TTN: variants seen among roughly 807,000 people sequenced by gnomAD.
TTN encodes titin, also known as connectin.
In TTN, 1,525 loss-of-function variants were observed where a neutral mutation model predicts 3,223.0. The observed-to-expected ratio is 0.47, with a 90% CI of 0.45 to 0.49. The LOEUF (loss-of-function observed/expected upper bound fraction) is 0.49. Ranked by LOEUF, TTN falls within the 20% of genes least tolerant of loss-of-function variation. The probability of loss-of-function intolerance (pLI) is 0.00; values close to 1 mark genes in which losing one functional copy is unlikely to be tolerated. For missense variants in TTN, 40,786 were observed against 43,424.0 expected (o/e 0.94, Z 5.40); for synonymous variants, 14,094 against 15,161.0 (o/e 0.93, Z 5.17).
Position 178,592,507 on chromosome 2 carries a change from A to C in TTN, c.59498T>G (p.Ile19833Ser). ...CTTGCTACCAACTGGAGTCACATCA[A>C]TTCTTGCTTTAGTTGGAGCATCTCT... ...EDRDAPTKARIDVTPVGSKLE... is the reference protein window; with the variant it reads ...EDRDAPTKARSDVTPVGSKLE... The change falls in exon 301 of 363, where the codon ATT becomes AGT. Residue 19833 changes from isoleucine (I) to serine (S), a missense_variant. Ile to Ser is a moderately radical substitution (Grantham distance 142). Coordinates refer to ENST00000589042, the MANE Select transcript of TTN (RefSeq NM_001267550.2). 6.2e-7 allele frequency: 1 copy of C among 1,613,516 alleles called. No homozygotes were observed. The highest frequency in any genetic ancestry group is 1.7e-4 in the Middle Eastern group (1 of 6,056).
In TTN at chr2:178,574,348, A is replaced by G; in HGVS notation, c.71784T>C (p.Pro23928=). 1 of 1,613,608 alleles carries G rather than the reference A, an allele frequency of 6.2e-7. No individual in the cohort carries two copies. Among genetic ancestry groups the G allele is most frequent in the Admixed American group, 1.7e-5 (1 of 60,012 alleles). Residue 23928 remains proline, a synonymous_variant, in exon 326 of 363, where the codon CCT becomes CCC. Transcript: ENST00000589042. ...PMLALDPIDP[P]GKPVPLNITR... ...TAATATTTAGAGGTACTGGTTTTCC[A>G]GGTGGGTCAATGGGATCCAGAGCCA...
At position 178,551,817 on chromosome 2, in the gene TTN, A is replaced by T; in HGVS notation, c.91083T>A (p.Val30361=). 1 of 1,613,812 alleles carries T rather than the reference A, an allele frequency of 6.2e-7. No individual in the cohort carries two copies. Residue 30361 remains valine, a synonymous_variant, in exon 335 of 363, where the codon GTT becomes GTA. Transcript: ENST00000589042. Reference sequence around the variant, plus strand: ...GGATGCTATTTCTTTCTTTCTTTTCAACATGGAATCCAGTAACTTCTGAAC... The same window carrying T: ...GGATGCTATTTCTTTCTTTCTTTTCTACATGGAATCCAGTAACTTCTGAAC... ...DGGSEVTGFH[V]EKKERNSILW...
At position 178,726,005 on chromosome 2, in the gene TTN, G is replaced by A. The variant is rs189557659; in HGVS notation, c.20317C>T (p.Leu6773Phe). The change falls in exon 70 of 363, where the codon CTT (leucine) becomes TTT (phenylalanine). Residue 6773 changes from leucine to phenylalanine, a missense_variant. Transcript: ENST00000589042. ...TCAAGACTGACTTCAGCATTTTTAA[G>A]GGTTTCTACTATAGGAGGGAAGCTG... ...FSSFPPIVET[L>F]KNAEVSLECE... is the part of the protein sequence containing the mutation. The A allele has an allele frequency of 3.3e-5, 52 of 1,584,296 alleles. No homozygotes were observed. The East Asian group carries it at 1.2e-3, about 35-fold the overall frequency.
intron 354 of TTN, 60 bp downstream of exon 354, chr2:178,538,480 G>T: frequency 6.7e-7 from 1 of 1,499,526 alleles, no homozygotes; most frequent in Non-Finnish European, 9.0e-7. Flanking sequence ...GTATAGAGGG[G>T]GAATTAGCCT....
Position 178,611,061 on chromosome 2 carries a change from C to G in TTN, c.51068G>C (p.Gly17023Ala). 1.2e-6 allele frequency: 2 copies of G among 1,612,756 alleles called. No homozygotes were observed. Among genetic ancestry groups the G allele is most frequent in the Non-Finnish European group, 1.7e-6 (2 of 1,179,172 alleles). ...ATTCTCCAGTGTAATGGTATAAATT[C>G]CGGCATCTGCACGGACACTCTTGGG... ...EVPKSVRADA[G>A]IYTITLENKL... Residue 17023 changes from glycine (G) to alanine (A), a missense_variant, in exon 270 of 363, where the codon GGA (glycine) becomes GCA (alanine). Coordinates refer to ENST00000589042, the MANE Select transcript of TTN (RefSeq NM_001267550.2).
At chr2:178,644,675 A>C (rs2061660088) in intron 217 of TTN, 59 bp from the exon 218 acceptor site, 2 of 1,302,538 alleles carry the variant, frequency 1.5e-6, no homozygotes, top group Admixed American at 3.0e-5. Context: ...GCAAGTGATT[A>C]ACTTTCTACT....
At chr2:178,738,975 G>C (rs1045006261) in intron 48 of TTN, among the ~76,000 whole-genome samples, 166 bp downstream of exon 48, 34 of 152,126 alleles carry the variant, frequency 2.2e-4, no homozygotes, top group African/African-American at 8.0e-4. Flanking sequence ...AGGGCAGTAA[G>C]GGAAAAGGTG....
chr2:178,709,674 A>C lies in TTN; in HGVS notation c.28645T>G (p.Leu9549Val). Residue 9549 changes from leucine (L) to valine (V), a missense_variant, in exon 99 of 363, where the codon TTA (leucine) becomes GTA (valine). Transcript: ENST00000589042. ...CCTGCTTTCCTGACTTGCAGCACTAACGTGTTGTTCTTGAATGTTATTTCA... is the reference window on the plus strand; with the variant it reads ...CCTGCTTTCCTGACTTGCAGCACTACCGTGTTGTTCTTGAATGTTATTTCA... ...NCEITFKNNT[L>V]VLQVRKAGMN... 4 of 1,613,858 alleles carry C rather than the reference A, an allele frequency of 2.5e-6. No homozygotes were observed. Among genetic ancestry groups the C allele is most frequent in the Non-Finnish European group, 3.4e-6 (4 of 1,179,828 alleles).
chr2:178,542,864 A>G lies in TTN; in HGVS notation c.96990T>C (p.Ile32330=). The G allele has an allele frequency of 6.2e-7, 1 of 1,613,804 alleles. No homozygotes were observed. Among genetic ancestry groups the G allele is most frequent in the South Asian group, 1.1e-5 (1 of 91,072 alleles). The change falls in exon 348 of 363, where the codon ATT becomes ATC. Residue 32330 remains isoleucine (I), a synonymous_variant. Coordinates refer to ENST00000589042, the MANE Select transcript of TTN (RefSeq NM_001267550.2). ...AAGCAGCAGGAGGTGGACGGCCAGC[A>G]ATAGGTATCACCAGCTCTACTGGTC... is the stretch of plus-strand genomic sequence containing the variant. ...AGRPVELVIP[I]AGRPPPAASW... is the part of the protein sequence containing the mutation.
In TTN at chr2:178,530,114, G is replaced by A. The variant is rs762942706; in HGVS notation, c.106377C>T (p.Ala35459=). ...PTAIWTKDGK[A]ITQGGKYKLS... is the part of the protein sequence containing the mutation. ...GTTTATATTTACCTCCTTGTGTAAT[G>A]GCCTGTAGAATGCAAATGATTTGTG... is the stretch of plus-strand genomic sequence containing the variant. Residue 35459 remains alanine (A), a splice_region_variant and synonymous_variant, in exon 359 of 363, where the codon GCC becomes GCT. Coordinates refer to ENST00000589042, the MANE Select transcript of TTN (RefSeq NM_001267550.2). 1.3e-6 allele frequency: 2 copies of A among 1,585,482 alleles called. No homozygotes were observed. The highest frequency in any genetic ancestry group is 1.7e-6 in the Non-Finnish European group (2 of 1,172,176).
rs765357961 is a variant in TTN at position 178,561,698 on chromosome 2, G to A, written c.84434C>T (p.Ala28145Val). Reference protein sequence around the residue: ...YGKSSYSESSAVVAEYPFSPP... With the variant: ...YGKSSYSESSVVVAEYPFSPP... Reference sequence around the variant, plus strand: ...ACTGAATGGATACTCTGCAACAACAGCTGAAGATTCACTGTAGGAGCTCTT... The same window carrying A: ...ACTGAATGGATACTCTGCAACAACAACTGAAGATTCACTGTAGGAGCTCTT... Residue 28145 changes from alanine (A) to valine (V), a missense_variant, in exon 326 of 363, where the codon GCT becomes GTT. Transcript: ENST00000589042. 2.2e-5 allele frequency: 36 copies of A among 1,608,460 alleles called. No homozygotes were observed. Among genetic ancestry groups the A allele is most frequent in the Non-Finnish European group, 3.0e-5 (35 of 1,176,462 alleles).
Position 178,688,681 on chromosome 2 carries a change from G to T in TTN, c.32193C>A (p.His10731Gln). The change falls in exon 126 of 363, where the codon CAC (histidine) becomes CAA (glutamine). Residue 10731 changes from histidine (H) to glutamine (Q), a missense_variant. His to Gln is a conservative substitution (Grantham distance 24). Transcript: ENST00000589042. Reference protein sequence around the residue: ...AVPQRVEVTRHEVSAEEEWSY... With the variant: ...AVPQRVEVTRQEVSAEEEWSY... ...CCCTGACTTCCGATTATATACCTTC[G>T]TGCCGCGTGACTTCCACTCTTTGAG... 1 of 1,610,532 alleles carries T rather than the reference G, an allele frequency of 6.2e-7. No homozygotes were observed. Among genetic ancestry groups the T allele is most frequent in the Non-Finnish European group, 8.5e-7 (1 of 1,176,842 alleles).
chr2:178,537,625 CGGT>C lies in TTN; in HGVS notation c.99579_99581del (p.Pro33194del). 1 of 1,613,684 alleles carries C rather than the reference CGGT, an allele frequency of 6.2e-7. No individual in the cohort carries two copies. The highest frequency in any genetic ancestry group is 8.5e-7 in the Non-Finnish European group (1 of 1,179,694). The stretch of plus-strand genomic sequence containing the variant: ...TCAGTGGGTAACCAGGATGGAACTG[CGGT>C]GTTGCTTGCAGGAGAAGCTTACTAC... On this transcript the variant is annotated inframe_deletion, in exon 355 of 363. Coordinates refer to ENST00000589042, the MANE Select transcript of TTN (RefSeq NM_001267550.2).
Position 178,726,031 on chromosome 2 carries a change from C to A in TTN, c.20291G>T (p.Ser6764Ile). 6.6e-7 allele frequency: 1 copy of A among 1,520,956 alleles called. No individual in the cohort carries two copies. Among genetic ancestry groups the A allele is most frequent in the Non-Finnish European group, 8.8e-7 (1 of 1,132,762 alleles). 94.2% of individuals were successfully genotyped at this position (1,520,956 alleles called of 1,614,324 possible). A position where few individuals can be genotyped will look rare whatever the true frequency, so the allele number is the denominator to read the frequency against. ...GGTTTCTACTATAGGAGGGAAGCTG[C>A]TAAAAACAGGTGGCTCTGCAAAAAA... ...KVIVKEPPVF[S>I]SFPPIVETLK... The change falls in exon 70 of 363, where the codon AGC becomes ATC. Residue 6764 changes from serine (S) to isoleucine (I), a missense_variant. Ser to Ile is a moderately radical substitution (Grantham distance 142, BLOSUM62 -2). Coordinates refer to ENST00000589042, the MANE Select transcript of TTN (RefSeq NM_001267550.2).
chr2:178,634,966 G>T lies in TTN; in HGVS notation c.42025-117C>A. On this transcript the variant is annotated intron_variant, in intron 228 of 362. Coordinates refer to ENST00000589042, the MANE Select transcript of TTN (RefSeq NM_001267550.2). The surrounding 1 kb of genome is among the most constrained non-coding windows in gnomAD (Gnocchi z 4.6). ...ATTACTACTAATAAAAGTAAGCAGA[G>T]AATTCCCTGTCATAACATTTTACAC... 1.5e-6 allele frequency: 2 copies of T among 1,376,678 alleles called. No individual in the cohort carries two copies. The highest frequency in any genetic ancestry group is 1.9e-6 in the Non-Finnish European group (2 of 1,036,162). The allele number at this position is 1,376,678 out of a possible 1,614,324, so 85.3% of individuals were successfully genotyped here.
In TTN at chr2:178,594,430, T is replaced by C. The variant is rs766593902; in HGVS notation, c.58064A>G (p.Tyr19355Cys). 16 of 1,612,760 alleles carry C rather than the reference T, an allele frequency of 9.9e-6. No homozygotes were observed. The highest frequency in any genetic ancestry group is 3.3e-5 in the Admixed American group (2 of 59,904). ...TVKGLKEGDT[Y>C]EYRVSAVNIV... Reference sequence around the variant, plus strand: ...GTTGACAGCACTGACACGGTACTCATAGGTATCACCTTCTTTTAAGCCTTT... The same window carrying C: ...GTTGACAGCACTGACACGGTACTCACAGGTATCACCTTCTTTTAAGCCTTT... Residue 19355 changes from tyrosine (Y) to cysteine (C), a missense_variant, in exon 296 of 363, where the codon TAT becomes TGT. Coordinates refer to ENST00000589042, the MANE Select transcript of TTN (RefSeq NM_001267550.2).
In TTN at chr2:178,728,181, G is replaced by C. The variant is rs369899924; in HGVS notation, c.19643C>G (p.Thr6548Ser). The change falls in exon 67 of 363, where the codon ACT (threonine) becomes AGT (serine). Residue 6548 changes from threonine to serine, a missense_variant. Thr to Ser is a moderately conservative substitution (Grantham distance 58). Transcript: ENST00000589042. The stretch of plus-strand genomic sequence containing the variant: ...TGACACTTTGCATGTGTAATTTGCA[G>C]TATCTTCTAATTCCAGATTATTAAC... ...LEVNNLELED[T>S]ANYTCKVSNV... is the part of the protein sequence containing the mutation. 1.9e-6 allele frequency: 3 copies of C among 1,612,290 alleles called. No individual in the cohort carries two copies. Among genetic ancestry groups the C allele is most frequent in the Non-Finnish European group, 2.5e-6 (3 of 1,178,972 alleles).
In TTN at chr2:178,718,042, C is replaced by T. The variant is rs201571580; in HGVS notation, c.24964G>A (p.Val8322Ile). Residue 8322 changes from valine to isoleucine, a missense_variant, in exon 86 of 363, where the codon GTA (valine) becomes ATA (isoleucine). Transcript: ENST00000589042. ...TCACTGTGATCCACTTTGTTGATTA[C>T]TAAGGAAGCAACGTTATTTTTGAAT... ...MQFKNNVASLVINKVDHSDVG... is the reference protein window; with the variant it reads ...MQFKNNVASLIINKVDHSDVG... 1 of 1,613,764 alleles carries T rather than the reference C, an allele frequency of 6.2e-7. No individual in the cohort carries two copies. Among genetic ancestry groups the T allele is most frequent in the Non-Finnish European group, 8.5e-7 (1 of 1,179,718 alleles).
chr2:178,674,523 G>T, intron 150 of TTN, 114 bp from the exon 151 acceptor site: 1 of 555,638 alleles, frequency 1.8e-6, no homozygotes, highest in Non-Finnish European at 2.9e-6. Context: ...AAACTCACTA[G>T]TCCTTAAAAA....
Sources: allele counts gnomAD v4.1 joint callset (sites outside exome capture counted in the v4.1 genomes callset), GRCh38; gene constraint gnomAD v4.1.1; non-coding constraint Gnocchi (gnomAD v3.1); transcripts MANE v1.5; gene names NCBI Gene and HGNC (gene_info 2026-07-23, HGNC 2026-07-21).